Variants in UNC79 observed in about 807,000 individuals in gnomAD.
UNC79 encodes protein unc-79 homolog.
UNC79 carries 37 observed loss-of-function variants against 283.1 expected under a neutral mutation model. That is an observed-to-expected ratio of 0.13 (90% CI 0.10 to 0.17). The LOEUF (loss-of-function observed/expected upper bound fraction) is 0.17. Among genes scored for constraint, UNC79 ranks in the 10% least tolerant of loss-of-function variants. The probability of loss-of-function intolerance (pLI) is 1.00; values close to 1 mark genes in which losing one functional copy is unlikely to be tolerated. For synonymous variants in UNC79, 1,107 were observed against 1,200.2 expected (o/e 0.92, Z 1.61); for missense variants, 2,272 against 3,211.1 (o/e 0.71, Z 7.07).
intron 1 of UNC79, among the ~76,000 whole-genome samples, chr14:93,363,721 CCTTT>C (rs894574800): frequency 6.6e-6 from 1 of 151,710 alleles, no homozygotes; most frequent in African/African-American, 2.4e-5. Flanking sequence ...CTATGTAATG[CCTTT>C]CTTTTTTTTT....
chr14:93,408,637 A>T (rs1366248389), intron 1 of UNC79, among the ~76,000 whole-genome samples: 2 of 152,200 alleles, frequency 1.3e-5, no homozygotes, highest in Non-Finnish European at 2.9e-5. Flanking sequence ...GGCCACACTG[A>T]GCTATGTTTG....
Position 93,662,515 on chromosome 14 carries a change from C to A in UNC79, c.6526-89C>A, listed in dbSNP as rs888793419. ...AGTTTTCAATTAAAAAAAAGTGATTCCATTAGTTAAAGTATCATAAGATTT... is the reference window on the plus strand; with the variant it reads ...AGTTTTCAATTAAAAAAAAGTGATTACATTAGTTAAAGTATCATAAGATTT... On this transcript the variant is annotated intron_variant, in intron 39 of 48. Coordinates refer to ENST00000555664, the Ensembl canonical transcript of UNC79. The A allele has an allele frequency of 1.1e-5, 10 of 873,878 alleles. No homozygotes were observed. The Admixed American group carries it at 2.5e-4, about 22-fold the overall frequency. The allele number at this position is 873,878 out of a possible 1,614,324, so 54.1% of individuals were successfully genotyped here.
At chr14:93,585,510 C>A (rs532852484) in intron 20 of UNC79, among the ~76,000 whole-genome samples, 1 of 152,324 alleles carries the variant, frequency 6.6e-6, no homozygotes, top group Non-Finnish European at 1.5e-5. Context: ...GTACTTATGA[C>A]AAGCATTTAA....
At chr14:93,356,464 C>T (rs1200505130) in intron 1 of UNC79, among the ~76,000 whole-genome samples, 3 of 152,226 alleles carry the variant, frequency 2.0e-5, no homozygotes, top group African/African-American at 4.8e-5. Flanking sequence ...TCCTCACCCA[C>T]GAGAGACTGT....
At chr14:93,528,695 G>A (rs763582681) in intron 9 of UNC79, 49 bp downstream of exon 9, 4 of 1,554,156 alleles carry the variant, frequency 2.6e-6, no homozygotes, top group South Asian at 1.1e-5. Flanking sequence ...ACAATAAGAA[G>A]ATAAGAAAAA....
chr14:93,633,603 C>A (rs1032282321), intron 31 of UNC79, among the ~76,000 whole-genome samples: 1 of 152,114 alleles, frequency 6.6e-6, no homozygotes, highest in Admixed American at 6.6e-5. Flanking sequence ...TATTTGGGGT[C>A]ATGCAGAAAA....
intron 41 of UNC79, among the ~76,000 whole-genome samples, chr14:93,676,366 G>T (rs2073343656): frequency 7.9e-6 from 1 of 126,816 alleles, no homozygotes; most frequent in South Asian, 2.5e-4. Flanking sequence ...GGCCCAAAAA[G>T]ATCTTTTTGA....
intron 23 of UNC79, among the ~76,000 whole-genome samples, chr14:93,594,196 C>G (rs374016294): frequency 6.6e-6 from 1 of 152,146 alleles, no homozygotes; most frequent in South Asian, 2.1e-4. Flanking sequence ...TTAAAATGCA[C>G]ATTATCTGGC....
In UNC79 at chr14:93,474,313, C is replaced by T; in HGVS notation, c.368C>T (p.Pro123Leu). 6.5e-7 allele frequency: 1 copy of T among 1,536,096 alleles called. No individual in the cohort carries two copies. Among genetic ancestry groups the T allele is most frequent in the Non-Finnish European group, 8.7e-7 (1 of 1,146,880 alleles). Residue 123 changes from proline (P) to leucine (L), a missense_variant, in exon 3 of 49, where the codon CCT becomes CTT. Physicochemically the swap from Pro to Leu is moderately conservative, Grantham distance 98. Coordinates refer to ENST00000555664, the Ensembl canonical transcript of UNC79. The surrounding 1 kb of genome is among the most constrained non-coding windows in gnomAD (Gnocchi z 4.1). ...CGTGATGCTCAGTTGTCAGACTACCCTTCTTTGGACTACCAAGGCCTCTAC... is the reference window on the plus strand; with the variant it reads ...CGTGATGCTCAGTTGTCAGACTACCTTTCTTTGGACTACCAAGGCCTCTAC...
intron 1 of UNC79, among the ~76,000 whole-genome samples, chr14:93,343,149 AC>A (rs1457216780): frequency 6.6e-6 from 1 of 152,118 alleles, no homozygotes; most frequent in Non-Finnish European, 1.5e-5. Context: ...TTATAGCAGT[AC>A]CCCACTCCTG....
upstream of UNC79, among the ~76,000 whole-genome samples, chr14:93,425,665 A>G (rs1688687875): frequency 6.6e-6 from 1 of 152,196 alleles, no homozygotes; most frequent in African/African-American, 2.4e-5. Flanking sequence ...GATGCTACTT[A>G]TTCATAGGGG....
In UNC79 at chr14:93,634,620, T is replaced by C. The variant is rs1162420850; in HGVS notation, c.5717-2596T>C. 4.3e-6 allele frequency: 7 copies of C among 1,613,876 alleles called. No homozygotes were observed. The African/African-American group carries it at 9.3e-5, about 22-fold the overall frequency. On this transcript the variant is annotated intron_variant, in intron 31 of 48. Coordinates refer to ENST00000555664, the Ensembl canonical transcript of UNC79. ...CATCAGTCTAGCGCCCCCCATAACA[T>C]CAGCAACTGGGACACTGGTGGGTCA... is the stretch of plus-strand genomic sequence containing the variant.
intron 1 of UNC79, among the ~76,000 whole-genome samples, chr14:93,387,620 G>GT (rs2054805716): frequency 1.3e-5 from 2 of 152,138 alleles, no homozygotes; most frequent in African/African-American, 4.8e-5. Flanking sequence ...TATTATTTCA[G>GT]TTTTTTGAAT....
chr14:93,594,314 G>A (rs1451139114), intron 23 of UNC79, among the ~76,000 whole-genome samples: 1 of 152,060 alleles, frequency 6.6e-6, no homozygotes, highest in African/African-American at 2.4e-5. Flanking sequence ...GTGTTGTCCA[G>A]GCTGAAGTGC....
At chr14:93,444,266 A>G (rs2056399081) in intron 1 of UNC79, among the ~76,000 whole-genome samples, 1 of 152,050 alleles carries the variant, frequency 6.6e-6, no homozygotes, top group Non-Finnish European at 1.5e-5. Flanking sequence ...TTCTGTTCCA[A>G]TCTTTGGTCT....
intron 27 of UNC79, among the ~76,000 whole-genome samples, chr14:93,616,791 C>T (rs946791566): frequency 6.6e-6 from 1 of 152,186 alleles, no homozygotes; most frequent in Non-Finnish European, 1.5e-5. Context: ...ATTCCCATTT[C>T]TGCAGGTGGT....
chr14:93,485,236 G>A (rs899812043), intron 4 of UNC79, among the ~76,000 whole-genome samples: 10 of 68,456 alleles, frequency 1.5e-4, no homozygotes, highest in Admixed American at 5.3e-4. Context: ...ATATATATAC[G>A]TGTGTGTGTG....
chr14:93,525,972 TC>T (rs1229564474), intron 8 of UNC79, among the ~76,000 whole-genome samples: 1 of 152,150 alleles, frequency 6.6e-6, no homozygotes, highest in Non-Finnish European at 1.5e-5. Flanking sequence ...GGTCAAACCA[TC>T]CACTTTCTGT....
At chr14:93,584,360 C>T (rs1051020845) in intron 20 of UNC79, among the ~76,000 whole-genome samples, 1 of 152,202 alleles carries the variant, frequency 6.6e-6, no homozygotes, top group Admixed American at 6.5e-5. Flanking sequence ...GCTCCACTCC[C>T]CAGCTTCAAG....
Sources: gnomAD v4.1 joint callset for allele counts (sites outside exome capture counted in the v4.1 genomes callset) on GRCh38, gnomAD v4.1.1 for gene constraint, Gnocchi (gnomAD v3.1) non-coding constraint, MANE v1.5 for transcripts, NCBI Gene and HGNC (gene_info 2026-07-23, HGNC 2026-07-21) for gene names.